KIAA0586: variants seen among roughly 807,000 people sequenced by gnomAD.
The protein encoded by KIAA0586 is protein TALPID3.
A neutral mutation model predicts 169.8 loss-of-function variants in KIAA0586; 144 were observed. That is an observed-to-expected ratio of 0.85 (90% CI 0.74 to 0.97). KIAA0586 has a LOEUF of 0.97. Among genes scored for constraint, KIAA0586 ranks in the 50% least tolerant of loss-of-function variants. KIAA0586 has a pLI of 0.00. For missense variants in KIAA0586, 1,854 were observed against 1,823.0 expected, an observed-to-expected ratio of 1.02 and a Z score of -0.31; for synonymous variants, 625 against 612.4, an observed-to-expected ratio of 1.02 and a Z score of -0.30.
intron 30 of KIAA0586, 133 bp downstream of exon 30, chr14:58,540,269 G>A: frequency 1.7e-6 from 1 of 579,226 alleles, no homozygotes; most frequent in Non-Finnish European, 3.0e-6. Flanking sequence ...TGTAATATCT[G>A]TAAATTCACC....
intron 30 of KIAA0586, among the ~76,000 whole-genome samples, chr14:58,540,942 T>C (rs920257897): frequency 3.9e-5 from 6 of 152,214 alleles, no homozygotes; most frequent in African/African-American, 1.4e-4. Context: ...GTGAGGAGAA[T>C]TGAATACAGC....
chr14:58,479,325 T>C (rs1412589098), intron 20 of KIAA0586, among the ~76,000 whole-genome samples: 1 of 152,266 alleles, frequency 6.6e-6, no homozygotes, highest in Non-Finnish European at 1.5e-5. Context: ...ATATTTACTT[T>C]GGTGAAATCT....
At chr14:58,482,198 G>A (rs1286435365) in intron 20 of KIAA0586, among the ~76,000 whole-genome samples, 2 of 151,950 alleles carry the variant, frequency 1.3e-5, no homozygotes, top group Non-Finnish European at 2.9e-5. Context: ...GGCTGAGGCA[G>A]GTGTATCACC....
At chr14:58,529,433 T>A (rs1288575594) in intron 29 of KIAA0586, among the ~76,000 whole-genome samples, 1 of 152,232 alleles carries the variant, frequency 6.6e-6, no homozygotes, top group African/African-American at 2.4e-5. Context: ...GTATCCGTGA[T>A]GATCATCAGT....
Position 58,442,704 on chromosome 14 carries a change from A to G in KIAA0586, c.411-2A>G, listed in dbSNP as rs1566790734. 2 of 1,539,208 alleles carry G rather than the reference A, an allele frequency of 1.3e-6. No individual in the cohort carries two copies. The highest frequency in any genetic ancestry group is 1.4e-5 in the African/African-American group (1 of 72,490). On this transcript the variant is annotated splice_acceptor_variant, in intron 4 of 30. Transcript: ENST00000652326. LOFTEE classifies it high-confidence loss of function. ...ACATTTTTATTGCTTTTTTATTTAT[A>G]GAGCTCAAAGCATGCCTGTTTTTAA...
chr14:58,486,396 T>C (rs991335572), intron 21 of KIAA0586, among the ~76,000 whole-genome samples: 1 of 152,162 alleles, frequency 6.6e-6, no homozygotes, highest in African/African-American at 2.4e-5. Context: ...CTGTTGTGAA[T>C]AGTGTGGCAA....
chr14:58,433,497 C>T (rs948004728), intron 4 of KIAA0586, among the ~76,000 whole-genome samples: 1 of 152,182 alleles, frequency 6.6e-6, no homozygotes, highest in African/African-American at 2.4e-5. Context: ...TTTCTTTCAA[C>T]CTTGAATTTC....
intron 29 of KIAA0586, among the ~76,000 whole-genome samples, chr14:58,537,717 G>T (rs888124122): frequency 6.6e-6 from 1 of 151,714 alleles, no homozygotes; most frequent in Non-Finnish European, 1.5e-5. Flanking sequence ...GCGTGATCTT[G>T]GCTCACTGCA....
At chr14:58,463,810 A>G (rs1161999344) in intron 14 of KIAA0586, among the ~76,000 whole-genome samples, 2 of 143,204 alleles carry the variant, frequency 1.4e-5, no homozygotes, top group South Asian at 2.3e-4. Context: ...TGGGTAACTG[A>G]GCAAGACCCT....
chr14:58,442,384 C>G (rs1166176148), intron 4 of KIAA0586, among the ~76,000 whole-genome samples: 1 of 152,234 alleles, frequency 6.6e-6, no homozygotes, highest in African/African-American at 2.4e-5. Context: ...GGATTACAGG[C>G]ATAATCCCAC....
intron 4 of KIAA0586, among the ~76,000 whole-genome samples, chr14:58,433,825 G>C (rs2037580098): frequency 6.6e-6 from 1 of 152,058 alleles, no homozygotes; most frequent in African/African-American, 2.4e-5. Flanking sequence ...AGACCAGTCT[G>C]GGCAATATAG....
intron 28 of KIAA0586, among the ~76,000 whole-genome samples, chr14:58,508,984 C>T (rs2044199141): frequency 6.6e-6 from 1 of 152,160 alleles, no homozygotes; most frequent in African/African-American, 2.4e-5. Flanking sequence ...AATCCCAGCA[C>T]TCTGGGAGGT....
At chr14:58,545,888 G>A (rs956984722) in intron 30 of KIAA0586, among the ~76,000 whole-genome samples, 1 of 151,944 alleles carries the variant, frequency 6.6e-6, no homozygotes, top group Admixed American at 6.6e-5. Flanking sequence ...TTAAAAATTA[G>A]CCAGGCATGG....
In KIAA0586 at chr14:58,498,899, A is replaced by G. The variant is rs1375816996; in HGVS notation, c.4107A>G (p.Thr1369=). 1 of 1,612,392 alleles carries G rather than the reference A, an allele frequency of 6.2e-7. No individual in the cohort carries two copies. Among genetic ancestry groups the G allele is most frequent in the Non-Finnish European group, 8.5e-7 (1 of 1,179,266 alleles). The part of the protein sequence containing the change: ...SLYMQPPVTN[T]QSLDQQCDPK... Reference sequence around the variant, plus strand: ...ATATGCAGCCACCTGTCACTAATACACAGTCTTTGGATCAACAATGTGATC... The same window carrying G: ...ATATGCAGCCACCTGTCACTAATACGCAGTCTTTGGATCAACAATGTGATC... The change falls in exon 27 of 31, where the codon ACA becomes ACG. Residue 1369 remains threonine, a synonymous_variant. Coordinates refer to ENST00000652326, the MANE Select transcript of KIAA0586 (RefSeq NM_001329943.3).
rs1349858961 is a variant in KIAA0586 at position 58,442,873 on chromosome 14, T to G, written c.578T>G (p.Leu193Trp). The change falls in exon 5 of 31, where the codon TTG (leucine) becomes TGG (tryptophan). Residue 193 changes from leucine to tryptophan, a missense_variant. Coordinates refer to ENST00000652326, the MANE Select transcript of KIAA0586 (RefSeq NM_001329943.3). ...GCTGCCATTGCAACCGCAGCTCCGT[T>G]GATAAAGGTATATTTTTCTTCCCAG... is the stretch of plus-strand genomic sequence containing the variant. ...TAAAIATAAP[L>W]IKVQSDLEAK... The G allele has an allele frequency of 6.2e-7, 1 of 1,602,234 alleles. No individual in the cohort carries two copies. The highest frequency in any genetic ancestry group is 2.2e-5 in the East Asian group (1 of 44,770).
chr14:58,456,824 G>A lies in KIAA0586; in HGVS notation c.1362+14G>A. 1 of 1,373,128 alleles carries A rather than the reference G, an allele frequency of 7.3e-7. No homozygotes were observed. 85.1% of individuals were successfully genotyped at this position (1,373,128 alleles called of 1,614,324 possible). A position where few individuals can be genotyped will look rare whatever the true frequency, so the allele number is the denominator to read the frequency against. On this transcript the variant is annotated intron_variant, in intron 10 of 30. Transcript: ENST00000652326. ...AGCATGGTCCAGGTAAAGTGGGAAT[G>A]GTCTTAAAATTGATGATTAGTTAAG...
At chr14:58,457,295 GTCTTGC>G (rs2039945105) in intron 10 of KIAA0586, among the ~76,000 whole-genome samples, 1 of 152,020 alleles carries the variant, frequency 6.6e-6, no homozygotes, top group Admixed American at 6.6e-5. Context: ...TTGAGTCAGA[GTCTTGC>G]TCTGTCACCC....
At chr14:58,467,430 A>G (rs1227835656) in intron 15 of KIAA0586, among the ~76,000 whole-genome samples, 1 of 152,218 alleles carries the variant, frequency 6.6e-6, no homozygotes, top group Non-Finnish European at 1.5e-5. Flanking sequence ...GTAGAAGTCA[A>G]GTGGGACTTT....
At chr14:58,515,337 A>G (rs185003923) in intron 29 of KIAA0586, among the ~76,000 whole-genome samples, 24 of 152,312 alleles carry the variant, frequency 1.6e-4, no homozygotes, top group African/African-American at 5.5e-4. Context: ...AGAATCACAA[A>G]TATTTCTTTC....
Sources: gnomAD v4.1 joint callset for allele counts (sites outside exome capture counted in the v4.1 genomes callset) on GRCh38, gnomAD v4.1.1 for gene constraint, MANE v1.5 for transcripts, NCBI Gene and HGNC (gene_info 2026-07-23, HGNC 2026-07-21) for gene names.